KCNS3: variants seen among roughly 807,000 people sequenced by gnomAD.
KCNS3 encodes potassium voltage-gated channel modifier subfamily S member 3.
Under a neutral mutation model 31.0 loss-of-function variants are expected in KCNS3, and 13 were observed. The ratio of observed to expected loss-of-function variants is 0.42; its 90% confidence interval spans 0.27 to 0.67. The LOEUF (loss-of-function observed/expected upper bound fraction) is 0.67, where lower values mean the gene tolerates loss of function less well. Among genes scored for constraint, KCNS3 ranks in the 30% least tolerant of loss-of-function variants. KCNS3 has a pLI of 0.25. For synonymous variants in KCNS3, 238 were observed against 241.5 expected (o/e 0.99, Z 0.13); for missense variants, 545 against 622.4 (o/e 0.88, Z 1.32).
intron 2 of KCNS3, chr2:17,919,621 G>A (rs1662669065): frequency 6.6e-6 from 1 of 152,202 alleles, no homozygotes; most frequent in Non-Finnish European, 1.5e-5. Context: ...GAATGCTCTG[G>A]AATAGAGCAC....
chr2:17,879,825 C>T (rs1212634309), intron 1 of KCNS3, among the ~76,000 whole-genome samples: 1 of 152,186 alleles, frequency 6.6e-6, no homozygotes, highest in Non-Finnish European at 1.5e-5. Flanking sequence ...CAAAGAGCTA[C>T]CTCCACCTGC....
chr2:17,881,026 CTA>C (rs1450435148), intron 1 of KCNS3, among the ~76,000 whole-genome samples: 1 of 152,214 alleles, frequency 6.6e-6, no homozygotes, highest in Non-Finnish European at 1.5e-5. Flanking sequence ...TAGCTGCATA[CTA>C]TATATCAGAT....
intron 1 of KCNS3, among the ~76,000 whole-genome samples, chr2:17,895,449 T>C (rs2125237232): frequency 6.6e-6 from 1 of 152,304 alleles, no homozygotes; most frequent in South Asian, 2.1e-4. Context: ...AGACATTGAA[T>C]CACCATGTCC....
chr2:17,929,883 A>G (rs530077306), intron 2 of KCNS3, among the ~76,000 whole-genome samples: 5 of 152,270 alleles, frequency 3.3e-5, no homozygotes, highest in Admixed American at 3.3e-4. Context: ...CCATTTTTCT[A>G]TCCAGCTACC....
chr2:17,930,266 G>A (rs1005448094), intron 2 of KCNS3, among the ~76,000 whole-genome samples: 11 of 152,160 alleles, frequency 7.2e-5, no homozygotes, highest in Non-Finnish European at 1.5e-5. Context: ...TTCTTTTCAT[G>A]TGGATGTTCC....
chr2:17,905,443 A>G (rs1451269981), intron 1 of KCNS3, among the ~76,000 whole-genome samples: 235 of 141,132 alleles, frequency 1.7e-3, no homozygotes, highest in African/African-American at 3.3e-3. Flanking sequence ...CTAATTGAAT[A>G]CCCTTTATTT....
chr2:17,893,965 T>TTTTTAA (rs1467421143), intron 1 of KCNS3, among the ~76,000 whole-genome samples: 55 of 134,730 alleles, frequency 4.1e-4, no homozygotes, highest in African/African-American at 1.4e-3. Context: ...TTTTTTTTTT[T>TTTTTAA]TAATATATCT....
chr2:17,882,812 T>C (rs1480778976), intron 1 of KCNS3, among the ~76,000 whole-genome samples: 1 of 152,246 alleles, frequency 6.6e-6, no homozygotes. Flanking sequence ...TGTTTTTCTT[T>C]ATCATTTCTC....
rs1187114272 is a variant in KCNS3, at chr2:17,921,916, T to C, written c.-60+4045T>C. Among the ~76,000 whole-genome samples, 69 of 14,992 alleles carry C rather than the reference T, an allele frequency of 4.6e-3. 1 individual carries two copies. Among genetic ancestry groups the C allele is most frequent in the African/African-American group, 0.02 (64 of 3,122 alleles). The allele number at this position is 14,992 out of a possible 152,430, so 9.8% of individuals were successfully genotyped here. On this transcript the variant is annotated intron_variant, in intron 2 of 2. Transcript: ENST00000304101. ...TTTCATATATATGTGTGTGTGTGTG[T>C]ATATATATATATATATATATATATA...
chr2:17,908,988 G>T (rs1299951165), intron 1 of KCNS3, among the ~76,000 whole-genome samples: 1 of 152,222 alleles, frequency 6.6e-6, no homozygotes, highest in Admixed American at 6.5e-5. Context: ...CTTCAAAGCT[G>T]TCAGACAGGG....
rs1432467683 is a variant in KCNS3, at chr2:17,932,296, G to A, written c.1288G>A (p.Glu430Lys). ...GGACCAGTGCAGTGAGGATGCACCA[G>A]AGAAGTGTCATGAGCTACCTTACTT... is the stretch of plus-strand genomic sequence containing the variant. ...DVDQCSEDAP[E>K]KCHELPYFNI... Residue 430 changes from glutamate (E) to lysine (K), a missense_variant, in exon 3 of 3, where the codon GAG becomes AAG. By Grantham distance (56) the Glu-to-Lys change is moderately conservative (BLOSUM62 1). Coordinates refer to ENST00000304101, the MANE Select transcript of KCNS3 (RefSeq NM_002252.5). 6.2e-7 allele frequency: 1 copy of A among 1,613,948 alleles called. No homozygotes were observed. The highest frequency in any genetic ancestry group is 8.5e-7 in the Non-Finnish European group (1 of 1,179,980).
intron 1 of KCNS3, among the ~76,000 whole-genome samples, chr2:17,900,123 C>T (rs114443115): frequency 1.3e-5 from 2 of 152,246 alleles, no homozygotes; most frequent in African/African-American, 4.8e-5. Flanking sequence ...ATCTTAATGC[C>T]TGGTTCTCTG....
intron 1 of KCNS3, among the ~76,000 whole-genome samples, chr2:17,892,384 G>A (rs1661881434): frequency 6.6e-6 from 1 of 151,532 alleles, no homozygotes. Flanking sequence ...CCTTTCTCTG[G>A]TCCCTCCCTG....
At chr2:17,882,120 C>T (rs1270494240) in intron 1 of KCNS3, among the ~76,000 whole-genome samples, 2 of 152,128 alleles carry the variant, frequency 1.3e-5, no homozygotes, top group African/African-American at 4.8e-5. Flanking sequence ...GCTAAGTGCC[C>T]AGTACTACAG....
At chr2:17,927,727 C>T (rs1662869931) in intron 2 of KCNS3, among the ~76,000 whole-genome samples, 1 of 152,170 alleles carries the variant, frequency 6.6e-6, no homozygotes, top group Admixed American at 6.5e-5. Flanking sequence ...CCCACCAGTT[C>T]TCTTTCTTGA....
At chr2:17,883,855 C>T (rs1247727273) in intron 1 of KCNS3, among the ~76,000 whole-genome samples, 4 of 151,924 alleles carry the variant, frequency 2.6e-5, no homozygotes, top group Non-Finnish European at 5.9e-5. Flanking sequence ...TGGAAACAAC[C>T]CAAATGTCCA....
At chr2:17,900,627 C>T (rs780776731) in intron 1 of KCNS3, among the ~76,000 whole-genome samples, 1 of 151,946 alleles carries the variant, frequency 6.6e-6, no homozygotes, top group Non-Finnish European at 1.5e-5. Flanking sequence ...ATAGCTGGGA[C>T]TACAGGCGTG....
At position 17,929,374 on chromosome 2, in the gene KCNS3, T is replaced by A. The variant is rs187063728; in HGVS notation, c.-59-1576T>A. Among the ~76,000 whole-genome samples the A allele has an allele frequency of 4.6e-5, 7 of 152,240 alleles. No individual in the cohort carries two copies. The East Asian group carries it at 1.2e-3, about 25-fold the overall frequency. On this transcript the variant is annotated intron_variant, in intron 2 of 2. Transcript: ENST00000304101. ...AGGTGAAAGGGAAGCCAGCATGTCT[T>A]ACATGGCAGAGCAGGAGAGAGAGAG...
chr2:17,889,703 T>A lies in KCNS3; in HGVS notation c.-252+10897T>A, dbSNP rs183096035. 7.9e-3 allele frequency among the ~76,000 whole-genome samples: 1,204 copies of A among 152,302 alleles called. 5 individuals are homozygous for A. Among genetic ancestry groups the A allele is most frequent in the Non-Finnish European group, 0.012 (797 of 68,016 alleles). On this transcript the variant is annotated intron_variant, in intron 1 of 2. Transcript: ENST00000304101. ...AGATGATCATGTGATTTTTGTTTTTTAATTCTGTTTATGTGGTATATCTCA... is the reference window on the plus strand; with the variant it reads ...AGATGATCATGTGATTTTTGTTTTTAAATTCTGTTTATGTGGTATATCTCA...
Sources: allele counts gnomAD v4.1 joint callset (sites outside exome capture counted in the v4.1 genomes callset), GRCh38; gene constraint gnomAD v4.1.1; transcripts MANE v1.5; gene names NCBI Gene and HGNC (gene_info 2026-07-23, HGNC 2026-07-21).